The following ARMCX4 variants were observed in gnomAD, a reference collection of about 807,000 sequenced individuals.
ARMCX4 encodes armadillo repeat containing X-linked 4, also known as armadillo repeat-containing X-linked protein 4.
In ARMCX4, 3 loss-of-function variants were observed where a neutral mutation model predicts 34.7. That is an observed-to-expected ratio of 0.09 (90% CI 0.04 to 0.22). The LOEUF (loss-of-function observed/expected upper bound fraction) is 0.22, where lower values mean the gene tolerates loss of function less well. ARMCX4 is among the 10% of genes least tolerant of loss of function. The pLI is 1.00. For synonymous variants in ARMCX4, 513 were observed against 632.8 expected (o/e 0.81, Z 2.84); for missense variants, 1,448 against 1,720.8 (o/e 0.84, Z 2.81).
chrX:101,440,348 A>G (rs1032273515), intron 2 of ARMCX4, among the ~76,000 whole-genome samples: 4 of 111,449 alleles, frequency 3.6e-5, no homozygotes, highest in Admixed American at 1.9e-4. Flanking sequence ...GTTTTATCTC[A>G]GAGGAGTACC....
chrX:101,476,947 AAG>A (rs1364030524), intron 4 of ARMCX4, among the ~76,000 whole-genome samples: 3 of 111,734 alleles, frequency 2.7e-5, no homozygotes, highest in Non-Finnish European at 5.6e-5. Flanking sequence ...TCAAAGAAAA[AAG>A]AAGAGACAAT....
rs1187767764 is a variant in ARMCX4, at chrX:101,472,756, C to T, written c.-472-13267C>T. Among the ~76,000 whole-genome samples, 98 of 89,675 alleles carry T rather than the reference C, an allele frequency of 1.1e-3. 1 individual carries two copies. The highest frequency in any genetic ancestry group is 1.7e-3 in the Non-Finnish European group (82 of 47,018). The allele number at this position is 89,675 out of a possible 115,157, so 77.9% of individuals were successfully genotyped here. A position where few individuals can be genotyped will look rare whatever the true frequency, so the allele number is the denominator to read the frequency against. On this transcript the variant is annotated intron_variant and NMD_transcript_variant, in intron 4 of 15. Coordinates refer to the ARMCX4 transcript ENST00000433011. ...AAAATACTTTACAGACAAGCAAATG[C>T]TGAGAGATTTTGTCACCACCAGGCC...
chrX:101,439,362 C>A (rs1364768098), intron 2 of ARMCX4, among the ~76,000 whole-genome samples: 4 of 111,839 alleles, frequency 3.6e-5, no homozygotes, highest in African/African-American at 1.3e-4. Flanking sequence ...ATGGGCTTCC[C>A]TTTGTGGGTA....
intron 2 of ARMCX4, among the ~76,000 whole-genome samples, chrX:101,432,760 ACG>A (rs1182132402): frequency 2.3e-4 from 8 of 35,093 alleles, no homozygotes; most frequent in East Asian, 7.8e-4. Context: ...GTGTATATAC[ACG>A]TATATATGTA....
At chrX:101,500,462 G>A (rs1934273006), downstream of ARMCX4, among the ~76,000 whole-genome samples, 1 of 111,124 alleles carries the variant, frequency 9.0e-6, no homozygotes, top group African/African-American at 3.3e-5. Flanking sequence ...AGAAATTATT[G>A]CCGCCTTTGA....
intron 2 of ARMCX4, among the ~76,000 whole-genome samples, chrX:101,442,637 C>T (rs1362216276): frequency 1.8e-5 from 2 of 111,454 alleles, no homozygotes; most frequent in African/African-American, 6.5e-5. Context: ...GGGTTTGCCT[C>T]AACCTTGACC....
At chrX:101,511,617 C>G (rs981790693) in intron 11 of ARMCX4, among the ~76,000 whole-genome samples, 2 of 111,158 alleles carry the variant, frequency 1.8e-5, no homozygotes, top group Admixed American at 9.6e-5. Flanking sequence ...GTGGCACACA[C>G]AAATGCCAGT....
chrX:101,511,977 C>A (rs781993365), intron 11 of ARMCX4, among the ~76,000 whole-genome samples: 1 of 110,616 alleles, frequency 9.0e-6, no homozygotes, highest in Non-Finnish European at 1.9e-5. Flanking sequence ...AAGTTCAGAC[C>A]TTTTCTGGTT....
intron 11 of ARMCX4, among the ~76,000 whole-genome samples, chrX:101,526,609 C>T (rs142498341): frequency 0.024 from 2,689 of 111,539 alleles, 32 homozygotes; most frequent in Non-Finnish European, 0.036. Context: ...CAGAGACACA[C>T]GTAGGCTCAA....
intron 2 of ARMCX4, among the ~76,000 whole-genome samples, chrX:101,438,244 CTAA>C (rs1454069590): frequency 1.8e-5 from 2 of 111,206 alleles, no homozygotes; most frequent in Non-Finnish European, 3.8e-5. Context: ...GTTGATCTGT[CTAA>C]TGTTGACAGT....
At chrX:101,482,158 C>T (rs150295129), upstream of ARMCX4, among the ~76,000 whole-genome samples, 598 of 110,683 alleles carry the variant, frequency 5.4e-3, 5 homozygotes, top group African/African-American at 0.019. Flanking sequence ...CGCTTGAACC[C>T]GAGAGGTGGA....
chrX:101,501,640 A>C (rs1157282574), intron 7 of ARMCX4, among the ~76,000 whole-genome samples: 11 of 112,086 alleles, frequency 9.8e-5, no homozygotes, highest in Non-Finnish European at 1.5e-4. Flanking sequence ...ATTTATACCC[A>C]CTCATAATTA....
chrX:101,505,376 C>T (rs1333235761), intron 8 of ARMCX4: 1 of 111,695 alleles, frequency 9.0e-6, no homozygotes, highest in Non-Finnish European at 1.9e-5. Flanking sequence ...TAAAACGTTT[C>T]TTTATAAATG....
chrX:101,497,524 C>T (rs1305984960), downstream of ARMCX4, among the ~76,000 whole-genome samples: 6 of 111,696 alleles, frequency 5.4e-5, no homozygotes, highest in Non-Finnish European at 9.4e-5. Flanking sequence ...CAGGCGTGAG[C>T]CACCACGCCC....
At chrX:101,515,418 C>T (rs868979581) in intron 11 of ARMCX4, among the ~76,000 whole-genome samples, 2 of 6,009 alleles carry the variant, frequency 3.3e-4, no homozygotes, top group Admixed American at 5.7e-3. Context: ...TCCCTCTCTT[C>T]CTTCCTTCCT....
intron 2 of ARMCX4, among the ~76,000 whole-genome samples, chrX:101,441,352 G>A (rs923638926): frequency 3.6e-5 from 4 of 110,328 alleles, no homozygotes; most frequent in African/African-American, 1.3e-4. Flanking sequence ...CCAAACCCAC[G>A]ATCCTCTTAC....
At chrX:101,513,023 C>T (rs1462437349) in intron 11 of ARMCX4, among the ~76,000 whole-genome samples, 1 of 108,611 alleles carries the variant, frequency 9.2e-6, no homozygotes, top group Non-Finnish European at 1.9e-5. Context: ...TTCTGAAATC[C>T]GTAGGGCATG....
Position 101,489,697 on chromosome X carries a change from G to C in ARMCX4, c.1108G>C (p.Ala370Pro), listed in dbSNP as rs1556008048. 1.7e-6 allele frequency: 2 copies of C among 1,152,424 alleles called. No individual in the cohort carries two copies. 95.0% of individuals were successfully genotyped at this position (1,152,424 alleles called of 1,213,427 possible). A position where few individuals can be genotyped will look rare whatever the true frequency, so the allele number is the denominator to read the frequency against. ...ACCTCAGACTGTGGCCAAGAAACAG[G>C]CTGAGGTGACGTCTGGTGCCAGGGT... Reference protein sequence around the residue: ...IQPQTVAKKQAEVTSGARVDG... With the variant: ...IQPQTVAKKQPEVTSGARVDG... The change falls in exon 6 of 6, where the codon GCT becomes CCT. Residue 370 changes from alanine (A) to proline (P), a missense_variant. Ala to Pro is a conservative substitution (Grantham distance 27, BLOSUM62 -1). This residue lies in a region of ARMCX4 where 1,343 missense variants were observed against 1,540.7 expected (regional missense o/e 0.87). Coordinates refer to ENST00000423738, the MANE Select transcript of ARMCX4 (RefSeq NM_001256155.3).
chrX:101,432,532 T>A (rs782780690), intron 2 of ARMCX4, among the ~76,000 whole-genome samples: 1 of 109,204 alleles, frequency 9.2e-6, no homozygotes, highest in African/African-American at 3.3e-5. Context: ...GTGGTAGTGC[T>A]CGCCTGTAGT....
Sources: allele counts gnomAD v4.1 joint callset (sites outside exome capture counted in the v4.1 genomes callset), GRCh38; gene constraint gnomAD v4.1.1; regional missense constraint gnomAD v4.1.1; transcripts MANE v1.5; gene names NCBI Gene and HGNC (gene_info 2026-07-23, HGNC 2026-07-21).